PTPRQ: variants seen among roughly 807,000 people sequenced by gnomAD.
PTPRQ encodes phosphatidylinositol phosphatase PTPRQ.
Under a neutral mutation model 246.0 loss-of-function variants are expected in PTPRQ, and 199 were observed. The ratio of observed to expected loss-of-function variants is 0.81; its 90% CI spans 0.72 to 0.91. PTPRQ has a LOEUF of 0.91. PTPRQ is among the 40% of genes least tolerant of loss of function. The pLI is 0.00. For synonymous variants in PTPRQ, 869 were observed against 853.2 expected (o/e 1.02, Z -0.32); for missense variants, 2,624 against 2,528.4 (o/e 1.04, Z -0.81).
intron 7 of PTPRQ, among the ~76,000 whole-genome samples, chr12:80,469,647 C>T (rs1193919240): frequency 6.6e-6 from 1 of 152,182 alleles, no homozygotes; most frequent in Non-Finnish European, 1.5e-5. Context: ...AATCACTCAT[C>T]ACCATCATGA....
chr12:80,562,119 G>A (rs1896845855), intron 25 of PTPRQ, among the ~76,000 whole-genome samples: 2 of 151,996 alleles, frequency 1.3e-5, no homozygotes, highest in African/African-American at 4.8e-5. Context: ...TTCTTACACT[G>A]CTTGGCCATG....
At chr12:80,602,663 C>A (rs1158494606) in intron 26 of PTPRQ, among the ~76,000 whole-genome samples, 3 of 151,740 alleles carry the variant, frequency 2.0e-5, no homozygotes, top group Non-Finnish European at 4.4e-5. Flanking sequence ...ACGTAATCAC[C>A]TCTTATAGGC....
chr12:80,650,784 A>G (rs1206832759), intron 37 of PTPRQ, among the ~76,000 whole-genome samples: 1 of 152,060 alleles, frequency 6.6e-6, no homozygotes, highest in Non-Finnish European at 1.5e-5. Context: ...ATGTAATTAC[A>G]TTATGCATGA....
chr12:80,513,692 T>C (rs2120726859), intron 17 of PTPRQ, among the ~76,000 whole-genome samples: 1 of 152,158 alleles, frequency 6.6e-6, no homozygotes, highest in East Asian at 1.9e-4. Context: ...CCCATATCAA[T>C]ATCGTGAGAA....
intron 35 of PTPRQ, among the ~76,000 whole-genome samples, chr12:80,643,129 T>A (rs1249581266): frequency 3.3e-5 from 5 of 151,760 alleles, no homozygotes; most frequent in African/African-American, 9.7e-5. Flanking sequence ...CTATTAATTG[T>A]TTTCCTGATT....
chr12:80,626,152 T>C (rs567186129), intron 33 of PTPRQ, among the ~76,000 whole-genome samples: 1 of 152,278 alleles, frequency 6.6e-6, no homozygotes, highest in African/African-American at 2.4e-5. Flanking sequence ...ATGTATCTTT[T>C]GCATCCAAAG....
intron 31 of PTPRQ, among the ~76,000 whole-genome samples, chr12:80,619,752 T>C (rs1265890949): frequency 6.6e-6 from 1 of 151,634 alleles, no homozygotes; most frequent in Non-Finnish European, 1.5e-5. Context: ...TTTATAAATG[T>C]CATTTATTTA....
intron 14 of PTPRQ, among the ~76,000 whole-genome samples, chr12:80,504,015 A>G (rs1430701103): frequency 6.6e-6 from 1 of 151,634 alleles, no homozygotes; most frequent in Admixed American, 6.6e-5. Context: ...ATATGTCTAA[A>G]TATGGTTTAA....
intron 25 of PTPRQ, among the ~76,000 whole-genome samples, chr12:80,574,404 A>G (rs1897229957): frequency 6.6e-6 from 1 of 152,094 alleles, no homozygotes; most frequent in African/African-American, 2.4e-5. Flanking sequence ...TTAGATTTAA[A>G]CTTAGTATTA....
chr12:80,616,091 ATAT>A, intron 29 of PTPRQ, 106 bp from the exon 30 acceptor site: 4 of 555,994 alleles, frequency 7.2e-6, no homozygotes, highest in Non-Finnish European at 9.8e-6. Flanking sequence ...ATATATATAT[ATAT>A]AACTATATAT....
chr12:80,564,997 A>AT (rs1342293647), intron 25 of PTPRQ, among the ~76,000 whole-genome samples: 1 of 152,218 alleles, frequency 6.6e-6, no homozygotes, highest in Non-Finnish European at 1.5e-5. Flanking sequence ...TTCAAAAAAA[A>AT]CTAAATTTCT....
At chr12:80,649,721 T>A (rs1900195082) in intron 37 of PTPRQ, 52 bp downstream of exon 37, 5 of 1,507,348 alleles carry the variant, frequency 3.3e-6, no homozygotes, top group South Asian at 1.3e-5. Flanking sequence ...TCGTTTCATG[T>A]GTCACATTTC....
intron 23 of PTPRQ, among the ~76,000 whole-genome samples, chr12:80,543,742 ACTTT>A (rs1200007240): frequency 6.6e-6 from 1 of 152,058 alleles, no homozygotes; most frequent in African/African-American, 2.4e-5. Context: ...GGGAACAATG[ACTTT>A]CTTTCTGGAA....
chr12:80,556,859 A>G (rs1896661103), intron 25 of PTPRQ, among the ~76,000 whole-genome samples: 1 of 152,214 alleles, frequency 6.6e-6, no homozygotes, highest in Non-Finnish European at 1.5e-5. Flanking sequence ...GGCTGAGACC[A>G]AAGCTTGACT....
intron 3 of PTPRQ, chr12:80,454,392 G>A (rs7957660): frequency 6.0e-6 from 2 of 334,532 alleles, no homozygotes; most frequent in Non-Finnish European, 1.0e-5. Flanking sequence ...TGCACCCACT[G>A]TCTGGCACTC....
chr12:80,565,435 C>T (rs774347202), intron 25 of PTPRQ, among the ~76,000 whole-genome samples: 15 of 152,126 alleles, frequency 9.9e-5, no homozygotes, highest in Non-Finnish European at 1.9e-4. Flanking sequence ...CATTCCTGTC[C>T]TATGCAGCTG....
rs537076684 is a variant in PTPRQ at position 80,673,223 on chromosome 12, T to C, written c.6657T>C (p.His2219=). The C allele has an allele frequency of 7.7e-6, 12 of 1,551,012 alleles. No individual in the cohort carries two copies. The Admixed American group carries it at 1.8e-4, about 23-fold the overall frequency. The part of the protein sequence containing the change: ...VFIALDHLTQ[H]INDHDFVDIY... The stretch of plus-strand genomic sequence containing the variant: ...TTGCTCTGGACCATTTAACACAACA[T>C]ATAAATGACCATGATTTTGTGGATA... The change falls in exon 43 of 45, where the codon CAT becomes CAC. Residue 2219 remains histidine, a synonymous_variant. Transcript: ENST00000644991.
chr12:80,654,514 A>G (rs1042313033), intron 38 of PTPRQ, among the ~76,000 whole-genome samples: 1 of 152,150 alleles, frequency 6.6e-6, no homozygotes, highest in African/African-American at 2.4e-5. Context: ...AATCTGATTA[A>G]GGGACAGTAA....
intron 3 of PTPRQ, among the ~76,000 whole-genome samples, chr12:80,457,107 T>G (rs907784544): frequency 2.6e-5 from 4 of 152,260 alleles, no homozygotes; most frequent in Admixed American, 6.5e-5. Context: ...TAGTTTAAAT[T>G]ATTAATTAAA....
Sources: gnomAD v4.1 joint callset for allele counts (sites outside exome capture counted in the v4.1 genomes callset) on GRCh38, gnomAD v4.1.1 for gene constraint, MANE v1.5 for transcripts, NCBI Gene and HGNC (gene_info 2026-07-23, HGNC 2026-07-21) for gene names.